Variants in GIGYF2 observed in about 807,000 individuals in gnomAD.
GIGYF2 encodes the protein GRB10 interacting GYF protein 2.
In GIGYF2, 25 loss-of-function variants were observed where a neutral mutation model predicts 208.1. The observed-to-expected ratio is 0.12, with a 90% CI of 0.09 to 0.17. The LOEUF (loss-of-function observed/expected upper bound fraction) is 0.17. Among genes scored for constraint, GIGYF2 ranks in the 10% least tolerant of loss-of-function variants. The probability of loss-of-function intolerance (pLI) is 1.00; values close to 1 mark genes in which losing one functional copy is unlikely to be tolerated. For synonymous variants in GIGYF2, 534 were observed against 543.8 expected (o/e 0.98, Z 0.25); for missense variants, 1,302 against 1,579.4 (o/e 0.82, Z 2.98).
chr2:232,823,003 C>T (rs1701140746), intron 21 of GIGYF2, among the ~76,000 whole-genome samples: 1 of 152,072 alleles, frequency 6.6e-6, no homozygotes, highest in African/African-American at 2.4e-5. Context: ...ATCCATTATC[C>T]AGCTGAAGAA....
At chr2:232,772,018 TC>T (rs1203936916) in intron 8 of GIGYF2, among the ~76,000 whole-genome samples, 1 of 152,202 alleles carries the variant, frequency 6.6e-6, no homozygotes, top group Non-Finnish European at 1.5e-5. Context: ...AGGGTCTTGC[TC>T]TGTCTCCTAG....
At chr2:232,762,433 A>T (rs1337255623) in intron 8 of GIGYF2, among the ~76,000 whole-genome samples, 1 of 151,544 alleles carries the variant, frequency 6.6e-6, no homozygotes. Flanking sequence ...TTGTATTTTT[A>T]GTTGAGATGG....
intron 5 of GIGYF2, among the ~76,000 whole-genome samples, chr2:232,753,455 T>A (rs1270101991): frequency 6.6e-6 from 1 of 151,994 alleles, no homozygotes; most frequent in Non-Finnish European, 1.5e-5. Flanking sequence ...GATGGTGTTT[T>A]GCCGTGTTGG....
At chr2:232,758,847 C>T (rs928198723) in intron 6 of GIGYF2, among the ~76,000 whole-genome samples, 5 of 152,124 alleles carry the variant, frequency 3.3e-5, no homozygotes, top group African/African-American at 1.2e-4. Flanking sequence ...CTAAAATCTT[C>T]CTTGTAGAGG....
At chr2:232,823,744 C>T (rs901289150) in intron 21 of GIGYF2, among the ~76,000 whole-genome samples, 58 of 152,064 alleles carry the variant, frequency 3.8e-4, no homozygotes, top group African/African-American at 1.3e-3. Context: ...CATTGTTTTC[C>T]GAAAAAGTTT....
At chr2:232,761,269 A>G (rs1698731807) in intron 7 of GIGYF2, 127 bp from the exon 8 acceptor site, 1 of 670,080 alleles carries the variant, frequency 1.5e-6, no homozygotes, top group Admixed American at 2.4e-5. Context: ...TTAGGCAATA[A>G]CTATGTATTT....
chr2:232,841,268 TTAA>T (rs1463205388), intron 23 of GIGYF2, among the ~76,000 whole-genome samples: 2 of 152,002 alleles, frequency 1.3e-5, no homozygotes, highest in East Asian at 1.9e-4. Context: ...CTACCAGAAG[TTAA>T]TAATTATTTC....
intron 21 of GIGYF2, among the ~76,000 whole-genome samples, chr2:232,824,804 A>G (rs1215519703): frequency 6.6e-6 from 1 of 152,174 alleles, no homozygotes; most frequent in Non-Finnish European, 1.5e-5. Flanking sequence ...TAGAGAGGAG[A>G]AGTCAGTGCG....
intron 8 of GIGYF2, 64 bp from the exon 9 acceptor site, chr2:232,787,086 G>A: frequency 8.3e-7 from 1 of 1,199,092 alleles, no homozygotes. Flanking sequence ...GAGCTGTGAA[G>A]TTTGTTTTCA....
intron 14 of GIGYF2, among the ~76,000 whole-genome samples, chr2:232,799,766 G>C (rs530222238): frequency 1.5e-4 from 23 of 152,098 alleles, no homozygotes; most frequent in African/African-American, 4.8e-4. Flanking sequence ...CAGTCCACAA[G>C]GGTTTTAATT....
chr2:232,762,212 A>ATCTC (rs1698766774), intron 8 of GIGYF2, among the ~76,000 whole-genome samples: 1 of 149,270 alleles, frequency 6.7e-6, no homozygotes, highest in African/African-American at 2.5e-5. Context: ...TATAACTGAT[A>ATCTC]GTGTTAATCA....
intron 19 of GIGYF2, among the ~76,000 whole-genome samples, chr2:232,816,212 T>C (rs1030179737): frequency 6.6e-6 from 1 of 152,234 alleles, no homozygotes; most frequent in African/African-American, 2.4e-5. Context: ...TTGGAAGAGC[T>C]AAATCTTGAA....
At chr2:232,793,138 C>T (rs970692742) in intron 12 of GIGYF2, among the ~76,000 whole-genome samples, 4 of 152,132 alleles carry the variant, frequency 2.6e-5, no homozygotes, top group African/African-American at 9.7e-5. Context: ...TGGGACTGAT[C>T]CAGGCTTGGG....
At chr2:232,727,329 C>A (rs1301926400) in intron 2 of GIGYF2, among the ~76,000 whole-genome samples, 1 of 152,148 alleles carries the variant, frequency 6.6e-6, no homozygotes, top group Non-Finnish European at 1.5e-5. Context: ...TTTGTCCATG[C>A]AAATATATTG....
At chr2:232,824,816 G>T (rs1701200752) in intron 21 of GIGYF2, among the ~76,000 whole-genome samples, 1 of 152,180 alleles carries the variant, frequency 6.6e-6, no homozygotes, top group Non-Finnish European at 1.5e-5. Flanking sequence ...GTCAGTGCGT[G>T]GCTTCAAAGC....
At position 232,855,252 on chromosome 2, in the gene GIGYF2, A is replaced by G. The variant is rs563580027; in HGVS notation, c.3833-1541A>G. 2.0e-5 allele frequency among the ~76,000 whole-genome samples: 3 copies of G among 152,024 alleles called. No homozygotes were observed. In the East Asian group the frequency reaches 5.8e-4, roughly 29 times the overall value. On this transcript the variant is annotated intron_variant, in intron 28 of 28. Transcript: ENST00000373563. ...CAGGCGTGCAGCGCCACGCCCAGCT[A>G]ATGTTTTGTATTTTGAGTAGCGACA...
chr2:232,772,399 A>C (rs1699303885), intron 8 of GIGYF2, among the ~76,000 whole-genome samples: 1 of 152,228 alleles, frequency 6.6e-6, no homozygotes, highest in Non-Finnish European at 1.5e-5. Flanking sequence ...ATTTCTGGAT[A>C]GCATTAGCTT....
At chr2:232,838,651 A>G (rs990040766) in intron 22 of GIGYF2, among the ~76,000 whole-genome samples, 1 of 152,132 alleles carries the variant, frequency 6.6e-6, no homozygotes, top group African/African-American at 2.4e-5. Context: ...CTACATTTTT[A>G]TAGGTCCCTT....
intron 2 of GIGYF2, among the ~76,000 whole-genome samples, chr2:232,725,239 TC>T (rs1424363937): frequency 1.3e-5 from 2 of 152,228 alleles, no homozygotes; most frequent in Non-Finnish European, 2.9e-5. Flanking sequence ...TCATAACCTT[TC>T]ATTTCCCTTG....
Sources: gnomAD v4.1 joint callset for allele counts (sites outside exome capture counted in the v4.1 genomes callset) on GRCh38, gnomAD v4.1.1 for gene constraint, MANE v1.5 for transcripts, NCBI Gene and HGNC (gene_info 2026-07-23, HGNC 2026-07-21) for gene names.